BBOF1: variants seen among roughly 807,000 people sequenced by gnomAD.
The protein encoded by BBOF1 is basal body orientation factor 1, also known as basal body-orientation factor 1.
In BBOF1, 62 loss-of-function variants were observed where a neutral mutation model predicts 68.0. The observed-to-expected ratio is 0.91, with a 90% confidence interval of 0.74 to 1.13. BBOF1 has a LOEUF of 1.13. BBOF1 is among the 50% of genes most tolerant of loss of function. The pLI is 0.00. For synonymous variants in BBOF1, 208 were observed against 198.8 expected (o/e 1.05, Z -0.39); for missense variants, 534 against 600.1 (o/e 0.89, Z 1.15).
At chr14:74,082,140 G>C (rs556836219) in intron 12 of BBOF1, among the ~76,000 whole-genome samples, 2 of 152,296 alleles carry the variant, frequency 1.3e-5, no homozygotes, top group East Asian at 3.9e-4. Context: ...GGGAGGTCGA[G>C]GCTGCTGTGA....
chr14:74,059,026 G>A (rs1434662723), intron 11 of BBOF1: 8 of 150,892 alleles, frequency 5.3e-5, no homozygotes, highest in African/African-American at 1.8e-4. Context: ...AGAGGTTGCA[G>A]TGAGCCAAGA....
intron 3 of BBOF1, among the ~76,000 whole-genome samples, chr14:74,031,012 G>A (rs574493948): frequency 3.3e-5 from 5 of 150,822 alleles, no homozygotes; most frequent in Admixed American, 3.3e-4. Flanking sequence ...TAGATAAAAG[G>A]TAGCATGCAA....
At chr14:74,048,232 C>T in intron 7 of BBOF1, 158 bp downstream of exon 7, 1 of 610,960 alleles carries the variant, frequency 1.6e-6, no homozygotes, top group Non-Finnish European at 2.8e-6. Context: ...GTTAAATACT[C>T]AATCTTATAA....
intron 2 of BBOF1, among the ~76,000 whole-genome samples, chr14:74,028,948 C>CCACAAA (rs2059501138): frequency 6.7e-6 from 1 of 148,356 alleles, no homozygotes; most frequent in Non-Finnish European, 1.5e-5. Flanking sequence ...TTATTTTTAA[C>CCACAAA]CACACACACA....
chr14:74,054,299 C>T (rs570510539), intron 8 of BBOF1, among the ~76,000 whole-genome samples: 18 of 152,190 alleles, frequency 1.2e-4, no homozygotes, highest in South Asian at 4.2e-4. Flanking sequence ...TGTGAGCCAC[C>T]GCACCTGGCC....
intron 11 of BBOF1, among the ~76,000 whole-genome samples, chr14:74,063,320 G>A (rs2060388934): frequency 1.3e-5 from 2 of 151,574 alleles, no homozygotes; most frequent in South Asian, 4.2e-4. Flanking sequence ...CCGAGTAGCT[G>A]GGATTATAGG....
At chr14:74,029,098 GT>G (rs1180852231) in intron 2 of BBOF1, 85 bp from the exon 3 acceptor site, 2 of 808,108 alleles carry the variant, frequency 2.5e-6, no homozygotes, top group African/African-American at 3.5e-5. Context: ...ATTGGTTTTA[GT>G]ATTGTGTGAA....
At chr14:74,071,097 T>C in intron 9 of BBOF1, 1 of 1,190,566 alleles carries the variant, frequency 8.4e-7, no homozygotes, top group Non-Finnish European at 1.3e-6. Flanking sequence ...CCTTTCCTCC[T>C]TACAAGTAGG....
chr14:74,071,709 T>C, intron 9 of BBOF1: 3 of 1,475,490 alleles, frequency 2.0e-6, no homozygotes, highest in South Asian at 1.3e-5. Flanking sequence ...GGAAGATCAT[T>C]TGAGTAAAGA....
At chr14:74,049,423 T>G (rs2060018086) in intron 7 of BBOF1, among the ~76,000 whole-genome samples, 1 of 151,930 alleles carries the variant, frequency 6.6e-6, no homozygotes. Flanking sequence ...CCTGTTATGC[T>G]GGCTGAGGCA....
At chr14:74,019,593 G>A (rs2059203458) in intron 1 of BBOF1, 59 bp downstream of exon 1, 2 of 1,547,144 alleles carry the variant, frequency 1.3e-6, no homozygotes, top group Admixed American at 2.0e-5. Flanking sequence ...TTTCGGGTCT[G>A]GGGCTGGCAA....
chr14:74,030,534 C>A (rs1222811172), intron 3 of BBOF1, among the ~76,000 whole-genome samples: 1 of 151,512 alleles, frequency 6.6e-6, no homozygotes, highest in Non-Finnish European at 1.5e-5. Flanking sequence ...CTCGCTCTGT[C>A]GCCCAGGCTG....
intron 9 of BBOF1, chr14:74,071,434 G>T: frequency 6.2e-7 from 1 of 1,614,172 alleles, no homozygotes; most frequent in East Asian, 2.2e-5. Flanking sequence ...CATGTCTTTG[G>T]TGATGGATGG....
At chr14:74,030,820 A>G (rs1287966233) in intron 3 of BBOF1, among the ~76,000 whole-genome samples, 2 of 151,932 alleles carry the variant, frequency 1.3e-5, no homozygotes, top group Non-Finnish European at 2.9e-5. Flanking sequence ...CTCTCCCTGT[A>G]GAAAACCATT....
intron 4 of BBOF1, among the ~76,000 whole-genome samples, chr14:74,034,785 T>C (rs1186679201): frequency 6.6e-6 from 1 of 152,126 alleles, no homozygotes; most frequent in Non-Finnish European, 1.5e-5. Context: ...ATCTGTAAAA[T>C]GGGATAGTAA....
Position 74,065,213 on chromosome 14 carries a change from G to T in BBOF1, c.*514G>T. 1 of 1,614,056 alleles carries T rather than the reference G, an allele frequency of 6.2e-7. No homozygotes were observed. The highest frequency in any genetic ancestry group is 1.1e-5 in the South Asian group (1 of 91,056). ...ACATCCACCAAGTGGGCATATTTCCGAGCAGTGGCTCCATTGGTGGTGAAG... is the reference window on the plus strand; with the variant it reads ...ACATCCACCAAGTGGGCATATTTCCTAGCAGTGGCTCCATTGGTGGTGAAG... On this transcript the variant is annotated 3_prime_UTR_variant, in exon 12 of 12. Transcript: ENST00000394009.
At chr14:74,022,324 G>T (rs1252282454) in intron 1 of BBOF1, among the ~76,000 whole-genome samples, 1 of 152,196 alleles carries the variant, frequency 6.6e-6, no homozygotes, top group African/African-American at 2.4e-5. Flanking sequence ...GAGGTAGGAG[G>T]ATCACTTGAG....
chr14:74,023,124 G>A lies in BBOF1; in HGVS notation c.265G>A (p.Asp89Asn). Residue 89 changes from aspartate (D) to asparagine (N), a missense_variant, in exon 2 of 12, where the codon GAT becomes AAT. Transcript: ENST00000394009. The part of the protein sequence containing the change: ...MSVLSYLKKQ[D>N]QEKDNMIEKL... ...AGTATTAAGTTACCTGAAGAAGCAGGATCAGGAGAAAGATAATATGGTAGG... is the reference window on the plus strand; with the variant it reads ...AGTATTAAGTTACCTGAAGAAGCAGAATCAGGAGAAAGATAATATGGTAGG... The A allele has an allele frequency of 6.3e-7, 1 of 1,583,186 alleles. No homozygotes were observed. Among genetic ancestry groups the A allele is most frequent in the African/African-American group, 1.3e-5 (1 of 74,534 alleles).
chr14:74,051,077 C>T (rs2060058040), intron 8 of BBOF1, among the ~76,000 whole-genome samples: 1 of 152,070 alleles, frequency 6.6e-6, no homozygotes, highest in Admixed American at 6.6e-5. Context: ...AACCCTGTCT[C>T]TACTAAAAAT....
Sources: gnomAD v4.1 joint callset for allele counts (sites outside exome capture counted in the v4.1 genomes callset) on GRCh38, gnomAD v4.1.1 for gene constraint, MANE v1.5 for transcripts, NCBI Gene and HGNC (gene_info 2026-07-23, HGNC 2026-07-21) for gene names.